The following RERE variants were observed in gnomAD, a reference collection of about 807,000 sequenced individuals.
The protein encoded by RERE is arginine-glutamic acid dipeptide repeats.
A neutral mutation model predicts 146.1 loss-of-function variants in RERE; 40 were observed. The ratio of observed to expected loss-of-function variants is 0.27; its 90% CI spans 0.21 to 0.36. RERE has a LOEUF of 0.36. Among genes scored for constraint, RERE ranks in the 10% least tolerant of loss-of-function variants. The probability of loss-of-function intolerance (pLI) is 1.00; values close to 1 mark genes in which losing one functional copy is unlikely to be tolerated. For synonymous variants in RERE, 1,003 were observed against 866.0 expected (o/e 1.16, Z -2.78); for missense variants, 1,933 against 2,138.7 (o/e 0.90, Z 1.90).
intron 4 of RERE, among the ~76,000 whole-genome samples, chr1:8,566,636 A>C (rs946076953): frequency 2.0e-5 from 3 of 150,956 alleles, no homozygotes; most frequent in African/African-American, 7.3e-5. Context: ...AAAAACAAAC[A>C]AAAAAAAACC....
Position 8,700,661 on chromosome 1 carries a change from T to C in RERE, c.-144-44220A>G, listed in dbSNP as rs554007793. 6.6e-5 allele frequency among the ~76,000 whole-genome samples: 10 copies of C among 152,282 alleles called. No homozygotes were observed. In the East Asian group the frequency reaches 1.5e-3, roughly 24 times the overall value. ...AGAGGTAAGAGACAAGGGGGAAACA[T>C]TCTAGCCACCTTATCTCCAATGATG... On this transcript the variant is annotated intron_variant, in intron 1 of 22. Coordinates refer to ENST00000400908, the MANE Select transcript of RERE (RefSeq NM_001042681.2).
chr1:8,577,816 C>T (rs755894952), intron 4 of RERE, among the ~76,000 whole-genome samples: 32 of 152,054 alleles, frequency 2.1e-4, no homozygotes, highest in Non-Finnish European at 2.8e-4. Context: ...AAAGAGGAGC[C>T]GGGTGCAGTG....
intron 11 of RERE, among the ~76,000 whole-genome samples, chr1:8,439,436 G>C (rs1337597349): frequency 6.6e-6 from 1 of 152,216 alleles, no homozygotes; most frequent in Non-Finnish European, 1.5e-5. Context: ...GTGTGTGGAG[G>C]AATCAACTGC....
intron 12 of RERE, among the ~76,000 whole-genome samples, chr1:8,401,355 T>A (rs1383752033): frequency 2.0e-5 from 3 of 151,838 alleles, no homozygotes; most frequent in Admixed American, 1.3e-4. Flanking sequence ...GGTGGGAGAA[T>A]CGCTTGAACC....
chr1:8,747,071 G>A (rs1472606868), intron 1 of RERE, among the ~76,000 whole-genome samples: 2 of 151,834 alleles, frequency 1.3e-5, no homozygotes, highest in African/African-American at 4.8e-5. Context: ...GAGCGATCTT[G>A]GCTCACTGCA....
chr1:8,687,364 C>G (rs1639113974), intron 1 of RERE, among the ~76,000 whole-genome samples: 1 of 152,116 alleles, frequency 6.6e-6, no homozygotes. Flanking sequence ...TTTTCTCATG[C>G]AAGTAGGAAG....
In RERE at chr1:8,513,385, CCTAT is replaced by C. The variant is rs1405139850; in HGVS notation, c.831-4714_831-4711del. On this transcript the variant is annotated intron_variant, in intron 7 of 22. Transcript: ENST00000400908. ...TTAATAGAAAAGACAGCTAGATTCTCCTATCTACTTTTGAATTCAATCTGCTGCA... is the reference window on the plus strand; with the variant it reads ...TTAATAGAAAAGACAGCTAGATTCTCCTACTTTTGAATTCAATCTGCTGCA... Among the ~76,000 whole-genome samples, 11 of 152,278 alleles carry C rather than the reference CCTAT, an allele frequency of 7.2e-5. 1 individual carries two copies. The East Asian group carries it at 9.6e-4, about 13-fold the overall frequency.
intron 1 of RERE, among the ~76,000 whole-genome samples, chr1:8,777,522 A>C (rs1395723164): frequency 6.6e-6 from 1 of 151,938 alleles, no homozygotes; most frequent in Non-Finnish European, 1.5e-5. Context: ...CTCTGAAAAC[A>C]AAGTGTCATA....
intron 1 of RERE, among the ~76,000 whole-genome samples, chr1:8,690,861 A>G (rs888396884): frequency 6.6e-6 from 1 of 152,090 alleles, no homozygotes; most frequent in African/African-American, 2.4e-5. Flanking sequence ...CTTTTGTTAG[A>G]TGTGGCCAAA....
intron 6 of RERE, among the ~76,000 whole-genome samples, chr1:8,548,453 A>T (rs1390244283): frequency 6.6e-6 from 1 of 152,246 alleles, no homozygotes; most frequent in Non-Finnish European, 1.5e-5. Flanking sequence ...AATGCACATA[A>T]GGAGGTAAGA....
intron 1 of RERE, among the ~76,000 whole-genome samples, chr1:8,815,487 C>A (rs1338562473): frequency 6.6e-6 from 1 of 152,050 alleles, no homozygotes; most frequent in Non-Finnish European, 1.5e-5. Flanking sequence ...CGTAAGGCCA[C>A]AACATATAAA....
At chr1:8,728,888 C>T (rs1640025278) in intron 1 of RERE, among the ~76,000 whole-genome samples, 1 of 152,144 alleles carries the variant, frequency 6.6e-6, no homozygotes, top group African/African-American at 2.4e-5. Context: ...CTTTTATAGC[C>T]AGGCGCAGTG....
intron 3 of RERE, among the ~76,000 whole-genome samples, chr1:8,622,247 C>T (rs1259381555): frequency 6.6e-6 from 1 of 152,086 alleles, no homozygotes; most frequent in Non-Finnish European, 1.5e-5. Context: ...AACAGGAAGG[C>T]ACCTGCTAAT....
chr1:8,635,478 T>G (rs895554977), intron 2 of RERE, among the ~76,000 whole-genome samples: 3 of 152,248 alleles, frequency 2.0e-5, no homozygotes, highest in Admixed American at 6.5e-5. Flanking sequence ...AGGCTCTGGA[T>G]GCTTTCTATA....
chr1:8,538,109 C>T (rs1224843096), intron 7 of RERE, among the ~76,000 whole-genome samples: 1 of 152,220 alleles, frequency 6.6e-6, no homozygotes, highest in Non-Finnish European at 1.5e-5. Context: ...TGAAAGTCTG[C>T]AGTCATGGAA....
chr1:8,434,322 C>A (rs923337402), intron 11 of RERE, among the ~76,000 whole-genome samples: 22 of 152,078 alleles, frequency 1.4e-4, no homozygotes, highest in African/African-American at 5.1e-4. Context: ...GCCACACCTG[C>A]GCTATCGGTG....
intron 4 of RERE, among the ~76,000 whole-genome samples, chr1:8,572,397 T>C (rs905351308): frequency 2.6e-5 from 4 of 152,226 alleles, no homozygotes; most frequent in African/African-American, 4.8e-5. Context: ...ATTCAGAGTC[T>C]GCTGTGACTC....
chr1:8,356,106 C>T lies in RERE; in HGVS notation c.4480G>A (p.Val1494Ile). The T allele has an allele frequency of 6.7e-7, 1 of 1,500,572 alleles. No homozygotes were observed. The highest frequency in any genetic ancestry group is 8.9e-7 in the Non-Finnish European group (1 of 1,127,702). The allele number at this position is 1,500,572 out of a possible 1,614,324, so 93.0% of individuals were successfully genotyped here. Reference sequence around the variant, plus strand: ...CCTGGAGGGGAAGTCTTACCGAAAACTGGGTGGCGAAGCATCTCGTGCTCG... The same window carrying T: ...CCTGGAGGGGAAGTCTTACCGAAAATTGGGTGGCGAAGCATCTCGTGCTCG... ...PHEHEMLRHPVFGTPYPRDLP... is the reference protein window; with the variant it reads ...PHEHEMLRHPIFGTPYPRDLP... Residue 1494 changes from valine (V) to isoleucine (I), a missense_variant, in exon 21 of 23, where the codon GTT becomes ATT. Physicochemically the swap from Val to Ile is conservative, Grantham distance 29. Transcript: ENST00000400908. This position sits in a 1 kb window ranked among gnomAD's most constrained non-coding sequence, Gnocchi z 5.2.
At chr1:8,481,951 G>C (rs1429695370) in intron 10 of RERE, among the ~76,000 whole-genome samples, 3 of 152,154 alleles carry the variant, frequency 2.0e-5, no homozygotes, top group Non-Finnish European at 4.4e-5. Flanking sequence ...GTGTTGCTTA[G>C]TGCAGGTGCC....
Sources: gnomAD v4.1 joint callset for allele counts (sites outside exome capture counted in the v4.1 genomes callset) on GRCh38, gnomAD v4.1.1 for gene constraint, Gnocchi (gnomAD v3.1) non-coding constraint, MANE v1.5 for transcripts, NCBI Gene and HGNC (gene_info 2026-07-23, HGNC 2026-07-21) for gene names.